Variants in PDE7A observed in about 807,000 individuals in gnomAD.
PDE7A encodes the protein phosphodiesterase 7A.
A neutral mutation model predicts 64.3 loss-of-function variants in PDE7A; 39 were observed. That is an observed-to-expected ratio of 0.61 (90% CI 0.47 to 0.79). The LOEUF is 0.79. Ranked by LOEUF, PDE7A falls within the 30% of genes least tolerant of loss-of-function variation. PDE7A has a pLI of 0.00. For synonymous variants in PDE7A, 203 were observed against 206.8 expected, an observed-to-expected ratio of 0.98 and a Z score of 0.16; for missense variants, 470 against 582.8, an observed-to-expected ratio of 0.81 and a Z score of 1.99.
intron 3 of PDE7A, among the ~76,000 whole-genome samples, chr8:65,771,670 T>A (rs918227944): frequency 6.6e-6 from 1 of 150,606 alleles, no homozygotes; most frequent in Non-Finnish European, 1.5e-5. Context: ...GAGGTAAGAG[T>A]TCGAGACCAG....
intron 1 of PDE7A, among the ~76,000 whole-genome samples, chr8:65,801,009 C>T (rs953521060): frequency 2.6e-5 from 4 of 152,120 alleles, no homozygotes; most frequent in African/African-American, 9.7e-5. Context: ...TACACAGTGG[C>T]AGAATCAGAT....
chr8:65,724,936 A>G lies in PDE7A; in HGVS notation c.921-15T>C, dbSNP rs765447167. On this transcript the variant is annotated splice_polypyrimidine_tract_variant and intron_variant, in intron 9 of 12. Coordinates refer to ENST00000401827, the MANE Select transcript of PDE7A (RefSeq NM_001242318.3). ...CCATTTGTTGCCTGGAAATAGAGAA[A>G]TATAAAGAGAAAATATAAGACTTTC... is the stretch of plus-strand genomic sequence containing the variant. 24 of 1,551,988 alleles carry G rather than the reference A, an allele frequency of 1.5e-5. No individual in the cohort carries two copies. Among genetic ancestry groups the G allele is most frequent in the Non-Finnish European group, 2.1e-5 (24 of 1,141,194 alleles).
At chr8:65,735,752 A>G (rs1807103723) in intron 6 of PDE7A, among the ~76,000 whole-genome samples, 1 of 152,084 alleles carries the variant, frequency 6.6e-6, no homozygotes, top group Admixed American at 6.6e-5. Context: ...CAGCCACCCG[A>G]GTAGCTGGGA....
At chr8:65,825,696 G>A (rs1219538631) in intron 1 of PDE7A, among the ~76,000 whole-genome samples, 1 of 152,164 alleles carries the variant, frequency 6.6e-6, no homozygotes, top group Admixed American at 6.5e-5. Flanking sequence ...AAGTTATGGT[G>A]ACATATGCTC....
At chr8:65,767,157 A>G (rs968544642) in intron 3 of PDE7A, among the ~76,000 whole-genome samples, 5 of 152,188 alleles carry the variant, frequency 3.3e-5, no homozygotes, top group African/African-American at 9.7e-5. Flanking sequence ...CTCAACACCA[A>G]CACAGGATTG....
chr8:65,740,854 T>C (rs906461740), intron 5 of PDE7A, among the ~76,000 whole-genome samples: 1 of 152,156 alleles, frequency 6.6e-6, no homozygotes, highest in Non-Finnish European at 1.5e-5. Flanking sequence ...TGTTCTAGAT[T>C]CTCTCATCTC....
intron 3 of PDE7A, among the ~76,000 whole-genome samples, chr8:65,771,884 CAAA>C (rs36101490): frequency 9.0e-5 from 5 of 55,834 alleles, no homozygotes; most frequent in Admixed American, 2.4e-4. Flanking sequence ...CTCCATCTCT[CAAA>C]AAAAAAAAAA....
intron 1 of PDE7A, among the ~76,000 whole-genome samples, chr8:65,798,264 C>T (rs1377079015): frequency 1.4e-5 from 2 of 143,500 alleles, no homozygotes; most frequent in Non-Finnish European, 3.0e-5. Context: ...GAGTGCAGTG[C>T]AGTGGCGTAA....
At chr8:65,771,950 GGTTA>G (rs1443583996) in intron 3 of PDE7A, among the ~76,000 whole-genome samples, 1 of 150,440 alleles carries the variant, frequency 6.6e-6, no homozygotes, top group African/African-American at 2.4e-5. Flanking sequence ...CAGGGATAAC[GGTTA>G]GTTAGGAGAA....
intron 1 of PDE7A, among the ~76,000 whole-genome samples, chr8:65,835,064 A>C (rs1282179795): frequency 6.6e-6 from 1 of 152,228 alleles, no homozygotes; most frequent in Non-Finnish European, 1.5e-5. Context: ...AACAAAGTCT[A>C]TGTTACTTTT....
At chr8:65,788,310 T>C (rs755321627) in intron 1 of PDE7A, among the ~76,000 whole-genome samples, 38 of 152,204 alleles carry the variant, frequency 2.5e-4, no homozygotes, top group Non-Finnish European at 4.6e-4. Flanking sequence ...TAGCATTCTA[T>C]CAAGAATTTC....
In PDE7A at chr8:65,714,911, T is replaced by C. The variant is rs1262723426; in HGVS notation, c.*4379A>G. On this transcript the variant is annotated 3_prime_UTR_variant, in exon 13 of 13. Coordinates refer to ENST00000401827, the MANE Select transcript of PDE7A (RefSeq NM_001242318.3). ...ACATAAAATATGATTTTTACTTTTA[T>C]ACAGAGTATCATTACCAACCATCAC... is the stretch of plus-strand genomic sequence containing the variant. 1 of 152,220 alleles carries C rather than the reference T, an allele frequency of 6.6e-6. No homozygotes were observed. The highest frequency in any genetic ancestry group is 2.4e-5 in the African/African-American group (1 of 41,460). 9.4% of individuals were successfully genotyped at this position (152,220 alleles called of 1,614,324 possible).
At chr8:65,804,705 CT>C (rs1810073258) in intron 1 of PDE7A, among the ~76,000 whole-genome samples, 1 of 151,838 alleles carries the variant, frequency 6.6e-6, no homozygotes, top group Non-Finnish European at 1.5e-5. Flanking sequence ...ACCAAGCTAG[CT>C]TTTTCTATTT....
chr8:65,798,058 T>A (rs1809885406), intron 1 of PDE7A, among the ~76,000 whole-genome samples: 1 of 149,570 alleles, frequency 6.7e-6, no homozygotes, highest in Non-Finnish European at 1.5e-5. Flanking sequence ...TGTTAAGATA[T>A]AAAAAGGCAC....
At chr8:65,835,210 A>T (rs988698804) in intron 1 of PDE7A, among the ~76,000 whole-genome samples, 2 of 152,242 alleles carry the variant, frequency 1.3e-5, no homozygotes, top group African/African-American at 4.8e-5. Flanking sequence ...AAGATTCAAA[A>T]TGAATTGGAG....
At chr8:65,759,316 T>TGG (rs1321674125) in intron 3 of PDE7A, among the ~76,000 whole-genome samples, 1 of 152,182 alleles carries the variant, frequency 6.6e-6, no homozygotes, top group Non-Finnish European at 1.5e-5. Flanking sequence ...CAGATGCCAC[T>TGG]GGGGGAAACC....
At chr8:65,827,993 C>T (rs934758412) in intron 1 of PDE7A, among the ~76,000 whole-genome samples, 2 of 152,138 alleles carry the variant, frequency 1.3e-5, no homozygotes, top group African/African-American at 4.8e-5. Flanking sequence ...AACTCACATA[C>T]TTGTAACTCA....
intron 1 of PDE7A, among the ~76,000 whole-genome samples, chr8:65,837,167 T>A (rs774513859): frequency 5.3e-5 from 8 of 152,196 alleles, no homozygotes; most frequent in Non-Finnish European, 8.8e-5. Flanking sequence ...TTTGAACTAT[T>A]CTCGCACTCA....
chr8:65,748,272 G>A (rs900715123), intron 3 of PDE7A, among the ~76,000 whole-genome samples: 4 of 152,164 alleles, frequency 2.6e-5, no homozygotes, highest in African/African-American at 7.2e-5. Flanking sequence ...ATATCCCAAT[G>A]AGGTATCATT....
Sources: allele counts gnomAD v4.1 joint callset (sites outside exome capture counted in the v4.1 genomes callset), GRCh38; gene constraint gnomAD v4.1.1; transcripts MANE v1.5; gene names NCBI Gene and HGNC (gene_info 2026-07-23, HGNC 2026-07-21).